Variants in CNOT7 observed in about 807,000 individuals in gnomAD.
CNOT7 encodes the protein BTG1-binding factor 1.
Under a neutral mutation model 37.1 loss-of-function variants are expected in CNOT7, and 4 were observed. The ratio of observed to expected loss-of-function variants is 0.11; its 90% CI spans 0.05 to 0.25. CNOT7 has a LOEUF of 0.25. Ranked by LOEUF, CNOT7 falls within the 10% of genes least tolerant of loss-of-function variation. The pLI, the probability that CNOT7 is intolerant of heterozygous loss-of-function variation, is 1.00. For synonymous variants in CNOT7, 128 were observed against 115.6 expected, an observed-to-expected ratio of 1.11 and a Z score of -0.69; for missense variants, 170 against 336.2, an observed-to-expected ratio of 0.51 and a Z score of 3.87.
At chr8:17,231,600 G>C (rs113150513) in intron 6 of CNOT7, 1 of 985,136 alleles carries the variant, frequency 1.0e-6, no homozygotes, top group African/African-American at 1.7e-5. Context: ...ATGTCTAAGA[G>C]AAAATATACT....
intron 3 of CNOT7, among the ~76,000 whole-genome samples, chr8:17,240,520 G>T (rs527299612): frequency 6.6e-6 from 1 of 152,124 alleles, no homozygotes; most frequent in South Asian, 2.1e-4. Flanking sequence ...TTTTGAGTAA[G>T]AAAGAAAAAA....
chr8:17,246,114 T>C (rs973393862), intron 1 of CNOT7: 4 of 152,054 alleles, frequency 2.6e-5, no homozygotes, highest in East Asian at 1.9e-4. Flanking sequence ...CACACACACA[T>C]AAGCACAAAA....
chr8:17,227,105 T>C lies in CNOT7; in HGVS notation c.*3615A>G, dbSNP rs1317339626. The C allele has an allele frequency of 6.6e-6, 1 of 151,844 alleles. No homozygotes were observed. The highest frequency in any genetic ancestry group is 1.5e-5 in the Non-Finnish European group (1 of 67,798). The allele number at this position is 151,844 out of a possible 1,614,324, so 9.4% of individuals were successfully genotyped here. ...CCAGTTCAGTAACACCAATATTTCC[T>C]GTGAAGTACCTGCTGATGAATAATC... is the stretch of plus-strand genomic sequence containing the variant. On this transcript the variant is annotated 3_prime_UTR_variant, in exon 7 of 7. Transcript: ENST00000361272.
chr8:17,241,496 A>C (rs1215284340), intron 3 of CNOT7: 1 of 152,182 alleles, frequency 6.6e-6, no homozygotes, highest in Non-Finnish European at 1.5e-5. Flanking sequence ...TACTTTCGTA[A>C]AATTGTGTAT....
At chr8:17,239,030 T>C (rs1403571040) in intron 3 of CNOT7, among the ~76,000 whole-genome samples, 6 of 152,176 alleles carry the variant, frequency 3.9e-5, no homozygotes, top group Admixed American at 1.3e-4. Flanking sequence ...GTATTATCTG[T>C]AAAACAAAAT....
rs1171179427 is a variant in CNOT7, at chr8:17,246,507, C to CCCCAGCCCCAGTTA, written c.-96+154_-96+167dup. 2.6e-5 allele frequency: 4 copies of CCCCAGCCCCAGTTA among 153,560 alleles called. No homozygotes were observed. The Admixed American group carries it at 2.6e-4, about 10-fold the overall frequency. 9.5% of individuals were successfully genotyped at this position (153,560 alleles called of 1,614,324 possible). A position where few individuals can be genotyped will look rare whatever the true frequency, so the allele number is the denominator to read the frequency against. On this transcript the variant is annotated intron_variant, in intron 1 of 6. Coordinates refer to ENST00000361272, the MANE Select transcript of CNOT7 (RefSeq NM_013354.7). Reference sequence around the variant, plus strand: ...ACTACGCGCCAACCCCTTGACAAACCCCCAGCCCCAGTTACCCAGCCCCCA... The same window carrying CCCCAGCCCCAGTTA: ...ACTACGCGCCAACCCCTTGACAAACCCCCAGCCCCAGTTACCCAGCCCCAGTTACCCAGCCCCCA...
intron 6 of CNOT7, chr8:17,231,492 C>T (rs939446052): frequency 1.5e-5 from 15 of 981,040 alleles, no homozygotes; most frequent in Non-Finnish European, 1.8e-5. Context: ...TAGTCCAAAT[C>T]ACTTCTGAAT....
In CNOT7 at chr8:17,245,156, G is replaced by A. The variant is rs749702643; in HGVS notation, c.-4C>T. The A allele has an allele frequency of 7.4e-6, 12 of 1,610,748 alleles. No homozygotes were observed. The highest frequency in any genetic ancestry group is 3.3e-5 in the South Asian group (3 of 90,582). ...GATCTACAGTTGCCGCTGGCATAGT[G>A]AGGGCACAAGGGAGTCTAGATGCCA... On this transcript the variant is annotated 5_prime_UTR_variant, in exon 2 of 7. Coordinates refer to ENST00000361272, the MANE Select transcript of CNOT7 (RefSeq NM_013354.7).
At chr8:17,244,070 T>A (rs1585849693) in intron 2 of CNOT7, among the ~76,000 whole-genome samples, 1 of 152,192 alleles carries the variant, frequency 6.6e-6, no homozygotes, top group Non-Finnish European at 1.5e-5. Context: ...TCAGTGCAAT[T>A]CAACAGCCAC....
At chr8:17,237,423 C>A (rs756075577) in intron 3 of CNOT7, 50 bp from the exon 4 acceptor site, 6 of 1,566,822 alleles carry the variant, frequency 3.8e-6, no homozygotes, top group Non-Finnish European at 4.4e-6. Flanking sequence ...TTACTTCAAA[C>A]AAGCTGTTCT....
chr8:17,241,567 C>G (rs1426481774), intron 3 of CNOT7: 2 of 152,120 alleles, frequency 1.3e-5, no homozygotes, highest in African/African-American at 2.4e-5. Flanking sequence ...ATTGGCACTA[C>G]CATTAATTGC....
In CNOT7 at chr8:17,232,585, C is replaced by T. The variant is rs1276440323; in HGVS notation, c.619-48G>A. On this transcript the variant is annotated intron_variant, in intron 5 of 6. Transcript: ENST00000361272. ...TGTCAAGAAGAAAAATCTTACAAGG[C>T]CTAAATTCACAAATTATAAACTTAG... 2.0e-6 allele frequency: 3 copies of T among 1,517,652 alleles called. No individual in the cohort carries two copies. The Admixed American group carries it at 5.7e-5, about 29-fold the overall frequency. The allele number at this position is 1,517,652 out of a possible 1,614,324, so 94.0% of individuals were successfully genotyped here.
Position 17,230,484 on chromosome 8 carries a change from C to G in CNOT7, c.*236G>C, listed in dbSNP as rs896546872. The G allele has an allele frequency of 3.2e-5, 9 of 283,980 alleles. No homozygotes were observed. Among genetic ancestry groups the G allele is most frequent in the African/African-American group, 1.1e-4 (5 of 45,612 alleles). 17.6% of individuals were successfully genotyped at this position (283,980 alleles called of 1,614,324 possible). A position where few individuals can be genotyped will look rare whatever the true frequency, so the allele number is the denominator to read the frequency against. On this transcript the variant is annotated 3_prime_UTR_variant, in exon 7 of 7. Coordinates refer to ENST00000361272, the MANE Select transcript of CNOT7 (RefSeq NM_013354.7). ...CTTTCCCCACTCTCTGTCACACACG[C>G]TTGCTAACAAGTATATTAAATTAAG...
In CNOT7 at chr8:17,225,489, C is replaced by A. The variant is rs1356028768; in HGVS notation, c.*5231G>T. ...TATGGCTACAAAGCAATGAAATGGA[C>A]TTCTAAAGAGAAATTGCTCAATTGC... is the stretch of plus-strand genomic sequence containing the variant. On this transcript the variant is annotated 3_prime_UTR_variant, in exon 7 of 7. Transcript: ENST00000361272. The A allele has an allele frequency of 2.0e-5, 3 of 151,686 alleles. No individual in the cohort carries two copies. The highest frequency in any genetic ancestry group is 4.4e-5 in the Non-Finnish European group (3 of 67,672). The allele number at this position is 151,686 out of a possible 1,614,324, so 9.4% of individuals were successfully genotyped here.
At chr8:17,246,575 G>A (rs1185678597) in intron 1 of CNOT7, 100 bp downstream of exon 1, 3 of 153,500 alleles carry the variant, frequency 2.0e-5, no homozygotes, top group Non-Finnish European at 2.9e-5. Context: ...CACTCCAGCT[G>A]GCGCCATCGC....
At position 17,226,425 on chromosome 8, in the gene CNOT7, C is replaced by T. The variant is rs1453648914; in HGVS notation, c.*4295G>A. The T allele has an allele frequency of 6.6e-6, 1 of 151,596 alleles. No individual in the cohort carries two copies. The highest frequency in any genetic ancestry group is 1.5e-5 in the Non-Finnish European group (1 of 67,662). The allele number at this position is 151,596 out of a possible 1,614,324, so 9.4% of individuals were successfully genotyped here. A position where few individuals can be genotyped will look rare whatever the true frequency, so the allele number is the denominator to read the frequency against. On this transcript the variant is annotated 3_prime_UTR_variant, in exon 7 of 7. Coordinates refer to ENST00000361272, the MANE Select transcript of CNOT7 (RefSeq NM_013354.7). ...TACTGCTAAATACTGACACATCCACCCATGAGCATGTGATTTTAGTTAAGC... is the reference window on the plus strand; with the variant it reads ...TACTGCTAAATACTGACACATCCACTCATGAGCATGTGATTTTAGTTAAGC...
Position 17,230,496 on chromosome 8 carries a change from T to C in CNOT7, c.*224A>G. On this transcript the variant is annotated 3_prime_UTR_variant, in exon 7 of 7. Transcript: ENST00000361272. ...TCTGTCACACACGCTTGCTAACAAGTATATTAAATTAAGGCCAAATTTAAC... is the reference window on the plus strand; with the variant it reads ...TCTGTCACACACGCTTGCTAACAAGCATATTAAATTAAGGCCAAATTTAAC... 3.2e-6 allele frequency: 1 copy of C among 312,386 alleles called. No homozygotes were observed. The highest frequency in any genetic ancestry group is 2.2e-5 in the African/African-American group (1 of 46,420). 19.4% of individuals were successfully genotyped at this position (312,386 alleles called of 1,614,324 possible). A position where few individuals can be genotyped will look rare whatever the true frequency, so the allele number is the denominator to read the frequency against.
chr8:17,242,832 G>C (rs1326959862), intron 3 of CNOT7, 160 bp downstream of exon 3: 1 of 457,930 alleles, frequency 2.2e-6, no homozygotes, highest in Non-Finnish European at 3.9e-6. Flanking sequence ...TGGTCCCATA[G>C]TAAAAAAGAA....
chr8:17,226,326 T>C lies in CNOT7; in HGVS notation c.*4394A>G, dbSNP rs533248422. On this transcript the variant is annotated 3_prime_UTR_variant, in exon 7 of 7. Transcript: ENST00000361272. Reference sequence around the variant, plus strand: ...TTGGAATAAATAGAAAATGTTAATCTGTTAATGCTGATGTGTAATGGGATT... The same window carrying C: ...TTGGAATAAATAGAAAATGTTAATCCGTTAATGCTGATGTGTAATGGGATT... 62 of 151,668 alleles carry C rather than the reference T, an allele frequency of 4.1e-4. No homozygotes were observed. The highest frequency in any genetic ancestry group is 1.4e-3 in the African/African-American group (57 of 41,498). 9.4% of individuals were successfully genotyped at this position (151,668 alleles called of 1,614,324 possible). A position where few individuals can be genotyped will look rare whatever the true frequency, so the allele number is the denominator to read the frequency against.
Sources: gnomAD v4.1 joint callset for allele counts (sites outside exome capture counted in the v4.1 genomes callset) on GRCh38, gnomAD v4.1.1 for gene constraint, MANE v1.5 for transcripts, NCBI Gene and HGNC (gene_info 2026-07-23, HGNC 2026-07-21) for gene names.